The following MCTP1 variants were observed in gnomAD, a reference collection of about 807,000 sequenced individuals.
MCTP1 encodes multiple C2 and transmembrane domain-containing protein 1.
Under a neutral mutation model 120.6 loss-of-function variants are expected in MCTP1, and 69 were observed. The ratio of observed to expected loss-of-function variants is 0.57; its 90% CI spans 0.47 to 0.70. The LOEUF is 0.70. Ranked by LOEUF, MCTP1 falls within the 30% of genes least tolerant of loss-of-function variation. The probability of loss-of-function intolerance (pLI) is 0.00; values close to 1 mark genes in which losing one functional copy is unlikely to be tolerated. For synonymous variants in MCTP1, 529 were observed against 493.1 expected (o/e 1.07, Z -0.96); for missense variants, 1,203 against 1,248.8 (o/e 0.96, Z 0.55).
intron 19 of MCTP1, among the ~76,000 whole-genome samples, chr5:94,778,573 C>A (rs975201326): frequency 6.6e-6 from 1 of 152,158 alleles, no homozygotes; most frequent in African/African-American, 2.4e-5. Flanking sequence ...TCTGAATGGG[C>A]TTTCCTAATG....
chr5:94,964,783 T>G (rs2153564133), intron 2 of MCTP1, among the ~76,000 whole-genome samples: 1 of 152,310 alleles, frequency 6.6e-6, no homozygotes, highest in South Asian at 2.1e-4. Context: ...GTCTTTCTCT[T>G]TTAATCCATT....
chr5:95,231,117 T>C (rs1754888385), intron 1 of MCTP1, among the ~76,000 whole-genome samples: 1 of 152,202 alleles, frequency 6.6e-6, no homozygotes, highest in East Asian at 1.9e-4. Flanking sequence ...GGACATTTCC[T>C]AAATGTCACT....
intron 8 of MCTP1, among the ~76,000 whole-genome samples, chr5:94,914,249 T>C (rs1331666470): frequency 6.6e-6 from 1 of 152,214 alleles, no homozygotes; most frequent in South Asian, 2.1e-4. Flanking sequence ...AAATTCAACA[T>C]TCCTCTCAAC....
chr5:95,138,233 A>ACAC (rs558143445), intron 1 of MCTP1, among the ~76,000 whole-genome samples: 1 of 142,426 alleles, frequency 7.0e-6, no homozygotes, highest in Non-Finnish European at 1.5e-5. Context: ...GTGAGATGCA[A>ACAC]CCCCCCCCCG....
At position 94,708,496 on chromosome 5, in the gene MCTP1, A is replaced by G; in HGVS notation, c.2928+16T>C. On this transcript the variant is annotated intron_variant, in intron 22 of 22. Coordinates refer to ENST00000515393, the MANE Select transcript of MCTP1 (RefSeq NM_024717.7). ...ACATTAAAATAATAGCAATAATAAT[A>G]ACGAAACCTACATACCACTTGTACA... 1.4e-6 allele frequency: 2 copies of G among 1,469,200 alleles called. No individual in the cohort carries two copies. Among genetic ancestry groups the G allele is most frequent in the Non-Finnish European group, 1.9e-6 (2 of 1,051,324 alleles). 91.0% of individuals were successfully genotyped at this position (1,469,200 alleles called of 1,614,324 possible). A position where few individuals can be genotyped will look rare whatever the true frequency, so the allele number is the denominator to read the frequency against.
chr5:94,996,635 G>A (rs1832670051), intron 2 of MCTP1, among the ~76,000 whole-genome samples: 1 of 152,056 alleles, frequency 6.6e-6, no homozygotes, highest in Admixed American at 6.6e-5. Flanking sequence ...ATTGTTTATG[G>A]TATAATGGCA....
intron 17 of MCTP1, among the ~76,000 whole-genome samples, chr5:94,825,154 C>T (rs1277422911): frequency 6.6e-6 from 1 of 152,040 alleles, no homozygotes; most frequent in Non-Finnish European, 1.5e-5. Flanking sequence ...TGGATATTTC[C>T]CATTTTCTCC....
intron 1 of MCTP1, among the ~76,000 whole-genome samples, chr5:95,209,059 A>G (rs1339276783): frequency 6.6e-6 from 1 of 152,054 alleles, no homozygotes; most frequent in Non-Finnish European, 1.5e-5. Context: ...TCTTACTTCC[A>G]CCACAATTCT....
chr5:94,749,141 G>C (rs944934825), intron 19 of MCTP1, among the ~76,000 whole-genome samples: 1 of 152,098 alleles, frequency 6.6e-6, no homozygotes. Flanking sequence ...TGAAAGTTCA[G>C]AATCCTCACC....
chr5:95,100,268 TATA>T lies in MCTP1; in HGVS notation c.721-82787_721-82785del, dbSNP rs1432814432. On this transcript the variant is annotated intron_variant, in intron 1 of 22. Coordinates refer to ENST00000515393, the MANE Select transcript of MCTP1 (RefSeq NM_024717.7). ...TGCACATGTACCCTAAAACTTAAAG[TATA>T]ATAATAAAAAAAAATTAAAAAAAAA... 4.0e-5 allele frequency among the ~76,000 whole-genome samples: 6 copies of T among 151,812 alleles called. No individual in the cohort carries two copies. In the East Asian group the frequency reaches 9.7e-4, roughly 24 times the overall value.
At chr5:94,719,627 T>C (rs1249763271) in intron 19 of MCTP1, among the ~76,000 whole-genome samples, 10 of 151,974 alleles carry the variant, frequency 6.6e-5, no homozygotes, top group African/African-American at 2.4e-4. Flanking sequence ...TGAGAACATA[T>C]AGACAAAGGG....
Position 95,067,069 on chromosome 5 carries a change from T to C in MCTP1, c.721-49585A>G, listed in dbSNP as rs773516757. ...CTGAGAGACCATGGACCGGTACCAA[T>C]CCAAGGCCTGGGATGGGGGACTCTT... On this transcript the variant is annotated intron_variant, in intron 1 of 22. Coordinates refer to ENST00000515393, the MANE Select transcript of MCTP1 (RefSeq NM_024717.7). Among the ~76,000 whole-genome samples the C allele has an allele frequency of 2.2e-5, 3 of 138,974 alleles. No homozygotes were observed. In the South Asian group the frequency reaches 7.0e-4, roughly 33 times the overall value. 91.2% of individuals were successfully genotyped at this position (138,974 alleles called of 152,430 possible).
intron 22 of MCTP1, among the ~76,000 whole-genome samples, chr5:94,707,946 G>A (rs180928561): frequency 6.6e-6 from 1 of 150,514 alleles, no homozygotes; most frequent in Admixed American, 6.6e-5. Flanking sequence ...AATGAAAAAG[G>A]TATCACTGTA....
chr5:94,747,959 G>A (rs1471597652), intron 19 of MCTP1, among the ~76,000 whole-genome samples: 9 of 152,004 alleles, frequency 5.9e-5, no homozygotes, highest in East Asian at 1.9e-4. Flanking sequence ...GCGTAGTGGC[G>A]CGCGCCTGTA....
At chr5:95,052,247 AG>A (rs1212074430) in intron 1 of MCTP1, among the ~76,000 whole-genome samples, 7 of 152,190 alleles carry the variant, frequency 4.6e-5, no homozygotes, top group Non-Finnish European at 7.4e-5. Context: ...CAATTTAAAC[AG>A]GTATTTCTCA....
chr5:95,219,243 A>G (rs1017900063), intron 1 of MCTP1, among the ~76,000 whole-genome samples: 3 of 151,976 alleles, frequency 2.0e-5, no homozygotes, highest in Non-Finnish European at 2.9e-5. Context: ...TTAGCCGGGC[A>G]TGGTGGTGGG....
intron 12 of MCTP1, among the ~76,000 whole-genome samples, chr5:94,886,395 G>A (rs1179903404): frequency 6.6e-6 from 1 of 152,012 alleles, no homozygotes; most frequent in Admixed American, 6.6e-5. Flanking sequence ...GTCTAATGAT[G>A]GAATATTATA....
chr5:94,912,957 C>G lies in MCTP1; in HGVS notation c.1370G>C (p.Arg457Pro), dbSNP rs760682149. 6.3e-7 allele frequency: 1 copy of G among 1,589,830 alleles called. No homozygotes were observed. Among genetic ancestry groups the G allele is most frequent in the Non-Finnish European group, 8.5e-7 (1 of 1,170,068 alleles). The part of the protein sequence containing the change: ...KNVQFQTQSL[R>P]LSDLHRKSHL... Reference sequence around the variant, plus strand: ...CGATTTTCTGTGTAGGTCTGATAGGCGTAAACTTTGGGTCTGAAACTTTTG... The same window carrying G: ...CGATTTTCTGTGTAGGTCTGATAGGGGTAAACTTTGGGTCTGAAACTTTTG... The change falls in exon 9 of 23, where the codon CGC (arginine) becomes CCC (proline). Residue 457 changes from arginine to proline, a missense_variant. Physicochemically the swap from Arg to Pro is moderately radical, Grantham distance 103. This residue lies in a region of MCTP1 where 740 missense variants were observed against 871.1 expected (regional missense o/e 0.85). Transcript: ENST00000515393.
chr5:94,882,079 A>G (rs1391358795), intron 12 of MCTP1, among the ~76,000 whole-genome samples: 1 of 152,202 alleles, frequency 6.6e-6, no homozygotes, highest in African/African-American at 2.4e-5. Flanking sequence ...GCAAGATATC[A>G]CAGTTTAGTA....
Sources: allele counts gnomAD v4.1 joint callset (sites outside exome capture counted in the v4.1 genomes callset), GRCh38; gene constraint gnomAD v4.1.1; regional missense constraint gnomAD v4.1.1; transcripts MANE v1.5; gene names NCBI Gene and HGNC (gene_info 2026-07-23, HGNC 2026-07-21).